Variants in SRRM2 observed in about 807,000 individuals in gnomAD.
The protein encoded by SRRM2 is serine/arginine repetitive matrix 2, also known as serine/arginine repetitive matrix protein 2.
Under a neutral mutation model 213.8 loss-of-function variants are expected in SRRM2, and 30 were observed. The observed-to-expected ratio is 0.14, with a 90% CI of 0.10 to 0.19. The LOEUF (loss-of-function observed/expected upper bound fraction) is 0.19, where lower values mean the gene tolerates loss of function less well. SRRM2 is among the 10% of genes least tolerant of loss of function. SRRM2 has a pLI of 1.00. For missense variants in SRRM2, 4,904 were observed against 3,647.0 expected (o/e 1.34, Z -8.88); for synonymous variants, 2,025 against 1,377.7 (o/e 1.47, Z -10.40).
At position 2,764,483 on chromosome 16, in the gene SRRM2, A is replaced by G. The variant is rs377379825; in HGVS notation, c.3955A>G (p.Asn1319Asp). 5 of 1,614,134 alleles carry G rather than the reference A, an allele frequency of 3.1e-6. No homozygotes were observed. The highest frequency in any genetic ancestry group is 1.1e-5 in the South Asian group (1 of 91,070). The change falls in exon 11 of 15, where the codon AAC (asparagine) becomes GAC (aspartate). Residue 1319 changes from asparagine to aspartate, a missense_variant. Transcript: ENST00000301740. Reference protein sequence around the residue: ...HFSPEHKELSNSPLRENSFGS... With the variant: ...HFSPEHKELSDSPLRENSFGS... ...TTCTCCAGAACATAAAGAACTGTCTAACTCCCCACTCAGGGAGAACAGCTT... is the reference window on the plus strand; with the variant it reads ...TTCTCCAGAACATAAAGAACTGTCTGACTCCCCACTCAGGGAGAACAGCTT...
At chr16:2,757,998 A>C in intron 4 of SRRM2, 53 bp downstream of exon 4, 4 of 1,562,130 alleles carry the variant, frequency 2.6e-6, no homozygotes, top group Non-Finnish European at 3.5e-6. Context: ...TGTAAGCTCC[A>C]TGCTCTATTT....
In SRRM2 at chr16:2,768,982, C is replaced by A. The variant is rs773848002; in HGVS notation, c.7734-15C>A. 6.2e-7 allele frequency: 1 copy of A among 1,611,908 alleles called. No individual in the cohort carries two copies. The highest frequency in any genetic ancestry group is 8.5e-7 in the Non-Finnish European group (1 of 1,178,874). ...GGGCAGCTTGTCTCCTTGTGACACT[C>A]CTCTCCTCCCACAGGGTCCCCAGCC... On this transcript the variant is annotated splice_polypyrimidine_tract_variant and intron_variant, in intron 11 of 14. Coordinates refer to ENST00000301740, the MANE Select transcript of SRRM2 (RefSeq NM_016333.4).
rs1286262599 is a variant in SRRM2, at chr16:2,769,795, TCAC to T, written c.8021+514_8021+516del. Reference sequence around the variant, plus strand: ...CTGCGGGAGTGGCGTGTGAGGCTCTTCACCAACGGGCCTTGCCCGCCCTGTGTT... The same window carrying T: ...CTGCGGGAGTGGCGTGTGAGGCTCTTCAACGGGCCTTGCCCGCCCTGTGTT... On this transcript the variant is annotated intron_variant, in intron 12 of 14. Coordinates refer to ENST00000301740, the MANE Select transcript of SRRM2 (RefSeq NM_016333.4). 3.9e-5 allele frequency: 18 copies of T among 465,876 alleles called. No individual in the cohort carries two copies. In the Admixed American group the frequency reaches 4.2e-4, roughly 11 times the overall value. The allele number at this position is 465,876 out of a possible 1,614,324, so 28.9% of individuals were successfully genotyped here. A position where few individuals can be genotyped will look rare whatever the true frequency, so the allele number is the denominator to read the frequency against.
chr16:2,764,941 A>G lies in SRRM2; in HGVS notation c.4413A>G (p.Arg1471=). ...CTCCTGGAATGAAAGATATACCTAGAACGCCATCTAGAGGGAGAAGCGAAT... is the reference window on the plus strand; with the variant it reads ...CTCCTGGAATGAAAGATATACCTAGGACGCCATCTAGAGGGAGAAGCGAAT... ...GSSPGMKDIP[R]TPSRGRSECD... is the part of the protein sequence containing the mutation. The change falls in exon 11 of 15, where the codon AGA becomes AGG. Residue 1471 remains arginine, a synonymous_variant. Coordinates refer to ENST00000301740, the MANE Select transcript of SRRM2 (RefSeq NM_016333.4). 1 of 1,614,168 alleles carries G rather than the reference A, an allele frequency of 6.2e-7. No homozygotes were observed. Among genetic ancestry groups the G allele is most frequent in the Non-Finnish European group, 8.5e-7 (1 of 1,180,026 alleles).
rs145082336 is a variant in SRRM2, at chr16:2,764,773, G to T, written c.4245G>T (p.Ser1415=). ...TTGATGCTGTACCCAGAACACCCTC[G>T]AGAGAAAGAAGTAGTTCTGCATCTT... ...PVLDAVPRTP[S]RERSSSASSP... The change falls in exon 11 of 15, where the codon TCG becomes TCT. Residue 1415 remains serine (S), a synonymous_variant. Transcript: ENST00000301740. 1 of 1,614,122 alleles carries T rather than the reference G, an allele frequency of 6.2e-7. No individual in the cohort carries two copies. The highest frequency in any genetic ancestry group is 1.1e-5 in the South Asian group (1 of 91,080).
At chr16:2,760,179 A>T in intron 9 of SRRM2, 122 bp from the exon 10 acceptor site, 1 of 963,396 alleles carries the variant, frequency 1.0e-6, no homozygotes, top group Non-Finnish European at 1.6e-6. Context: ...TTGTGCGACT[A>T]AAGGCTTTTT....
intron 10 of SRRM2, 68 bp downstream of exon 10, chr16:2,760,567 G>T: frequency 6.5e-7 from 1 of 1,542,250 alleles, no homozygotes; most frequent in Non-Finnish European, 8.9e-7. Context: ...CATGTGATGT[G>T]AAAGGGAGAG....
chr16:2,767,826 A>G lies in SRRM2; in HGVS notation c.7298A>G (p.Gln2433Arg), dbSNP rs1283950188. Residue 2433 changes from glutamine (Q) to arginine (R), a missense_variant, in exon 11 of 15, where the codon CAG becomes CGG. By Grantham distance (43) the Gln-to-Arg change is conservative. Coordinates refer to ENST00000301740, the MANE Select transcript of SRRM2 (RefSeq NM_016333.4). ...RAPSPSSRMGQAPSQSLLPPA... is the reference protein window; with the variant it reads ...RAPSPSSRMGRAPSQSLLPPA... ...CCCTCCCCTTCCTCTAGAATGGGCC[A>G]GGCTCCTTCACAGTCTCTTCTCCCT... 3.1e-6 allele frequency: 5 copies of G among 1,613,854 alleles called. No individual in the cohort carries two copies. Among genetic ancestry groups the G allele is most frequent in the Middle Eastern group, 1.6e-4 (1 of 6,084 alleles).
Position 2,766,941 on chromosome 16 carries a change from C to T in SRRM2, c.6413C>T (p.Pro2138Leu), listed in dbSNP as rs1221983737. The T allele has an allele frequency of 2.5e-6, 4 of 1,614,016 alleles. No individual in the cohort carries two copies. The highest frequency in any genetic ancestry group is 3.4e-6 in the Non-Finnish European group (4 of 1,180,032). ...TGCAGATCACCTGGAATGCTTGAACCCCTTGGCAGCTCTAGAACACCCATG... is the reference window on the plus strand; with the variant it reads ...TGCAGATCACCTGGAATGCTTGAACTCCTTGGCAGCTCTAGAACACCCATG... ...DRCRSPGMLE[P>L]LGSSRTPMSV... Residue 2138 changes from proline (P) to leucine (L), a missense_variant, in exon 11 of 15, where the codon CCC becomes CTC. Coordinates refer to ENST00000301740, the MANE Select transcript of SRRM2 (RefSeq NM_016333.4). This position sits in a 1 kb window ranked among gnomAD's most constrained non-coding sequence, Gnocchi z 7.0.
In SRRM2 at chr16:2,762,922, C is replaced by T. The variant is rs373074903; in HGVS notation, c.2394C>T (p.Arg798=). The T allele has an allele frequency of 9.3e-6, 15 of 1,610,212 alleles. No homozygotes were observed. The African/African-American group carries it at 2.0e-4, about 21-fold the overall frequency. The part of the protein sequence containing the change: ...QKSQTPPRRS[R]SGSSQPKAKS... The stretch of plus-strand genomic sequence containing the variant: ...CACAGACACCACCCAGGCGCAGTCG[C>T]TCTGGATCCTCCCAACCTAAAGCTA... The change falls in exon 11 of 15, where the codon CGC becomes CGT. Residue 798 remains arginine (R), a synonymous_variant. Transcript: ENST00000301740.
Position 2,767,437 on chromosome 16 carries a change from A to G in SRRM2, c.6909A>G (p.Pro2303=). Residue 2303 remains proline, a synonymous_variant, in exon 11 of 15, where the codon CCA becomes CCG. Coordinates refer to ENST00000301740, the MANE Select transcript of SRRM2 (RefSeq NM_016333.4). ...TGAACCTAGCAGGGGCCAGAACCCCAGCTGCCTTGGCAGCTCTGAGTCTCA... is the reference window on the plus strand; with the variant it reads ...TGAACCTAGCAGGGGCCAGAACCCCGGCTGCCTTGGCAGCTCTGAGTCTCA... ...PAVNLAGART[P]AALAALSLTG... 7 of 1,614,070 alleles carry G rather than the reference A, an allele frequency of 4.3e-6. No individual in the cohort carries two copies. The highest frequency in any genetic ancestry group is 5.9e-6 in the Non-Finnish European group (7 of 1,179,998).
At position 2,766,668 on chromosome 16, in the gene SRRM2, C is replaced by T. The variant is rs759186914; in HGVS notation, c.6140C>T (p.Pro2047Leu). Residue 2047 changes from proline (P) to leucine (L), a missense_variant, in exon 11 of 15, where the codon CCA becomes CTA. Transcript: ENST00000301740. The surrounding 1 kb of genome is among the most constrained non-coding windows in gnomAD (Gnocchi z 7.0). Reference protein sequence around the residue: ...LPRKRSRSRSPLAIRRRSRSR... With the variant: ...LPRKRSRSRSLLAIRRRSRSR... ...CGCAAACGTTCTCGAAGTCGCTCAC[C>T]ACTTGCTATCCGCCGCCGCTCCAGA... is the stretch of plus-strand genomic sequence containing the variant. 1.9e-6 allele frequency: 3 copies of T among 1,614,126 alleles called. No individual in the cohort carries two copies. The highest frequency in any genetic ancestry group is 2.2e-5 in the East Asian group (1 of 44,884).
chr16:2,758,897 T>A, intron 5 of SRRM2, 88 bp from the exon 6 acceptor site: 4 of 1,491,652 alleles, frequency 2.7e-6, no homozygotes, highest in African/African-American at 1.4e-5. Context: ...TTCAAGTGTT[T>A]TAGAAACCTT....
chr16:2,759,332 A>G lies in SRRM2; in HGVS notation c.690-20A>G. The G allele has an allele frequency of 2.5e-6, 4 of 1,609,432 alleles. No individual in the cohort carries two copies. Among genetic ancestry groups the G allele is most frequent in the Non-Finnish European group, 3.4e-6 (4 of 1,178,788 alleles). On this transcript the variant is annotated intron_variant, in intron 7 of 14. Coordinates refer to ENST00000301740, the MANE Select transcript of SRRM2 (RefSeq NM_016333.4). ...CTTTTTTAAAGAAGTTACTTTTAACAACCTTTCCTTATTTCCCAGGTCTCC... is the reference window on the plus strand; with the variant it reads ...CTTTTTTAAAGAAGTTACTTTTAACGACCTTTCCTTATTTCCCAGGTCTCC...
At position 2,760,683 on chromosome 16, in the gene SRRM2, G is replaced by A. The variant is rs552053082; in HGVS notation, c.1032+184G>A. 1.6e-5 allele frequency: 10 copies of A among 638,406 alleles called. No homozygotes were observed. In the African/African-American group the frequency reaches 1.6e-4, roughly 11 times the overall value. 39.5% of individuals were successfully genotyped at this position (638,406 alleles called of 1,614,324 possible). On this transcript the variant is annotated intron_variant, in intron 10 of 14. Transcript: ENST00000301740. ...TTTAGTGTTGTTACTAGACTGAATT[G>A]TGAACCCTTTAGAATCAAATCTCAC...
chr16:2,770,736 T>C lies in SRRM2; in HGVS notation c.8249+19T>C. ...CCTCCAGGTGCGTGTCCTGGAAGGCTGATGCCCCCTTCCGGGAGCCAGTTG... is the reference window on the plus strand; with the variant it reads ...CCTCCAGGTGCGTGTCCTGGAAGGCCGATGCCCCCTTCCGGGAGCCAGTTG... On this transcript the variant is annotated intron_variant, in intron 14 of 14. Coordinates refer to ENST00000301740, the MANE Select transcript of SRRM2 (RefSeq NM_016333.4). 1.3e-6 allele frequency: 2 copies of C among 1,580,620 alleles called. No individual in the cohort carries two copies. Among genetic ancestry groups the C allele is most frequent in the Non-Finnish European group, 1.7e-6 (2 of 1,160,864 alleles).
At chr16:2,759,737 G>A in intron 9 of SRRM2, 76 bp downstream of exon 9, 5 of 1,377,760 alleles carry the variant, frequency 3.6e-6, no homozygotes, top group East Asian at 2.4e-5. Context: ...GAGCGCCCAC[G>A]GTGTGCTAGG....
intron 4 of SRRM2, 71 bp from the exon 5 acceptor site, chr16:2,758,397 ACT>A (rs1046696572): frequency 1.5e-5 from 19 of 1,296,526 alleles, no homozygotes; most frequent in Non-Finnish European, 1.8e-5. Flanking sequence ...ATTTTTTTAG[ACT>A]CTGTCTTTTA....
intron 5 of SRRM2, 27 bp from the exon 6 acceptor site, chr16:2,758,958 T>G: frequency 6.2e-7 from 1 of 1,613,740 alleles, no homozygotes; most frequent in South Asian, 1.1e-5. Context: ...CCAAGCAGGA[T>G]GAGCTTGCTT....
Sources: gnomAD v4.1 joint callset for allele counts on GRCh38, gnomAD v4.1.1 for gene constraint, Gnocchi (gnomAD v3.1) non-coding constraint, MANE v1.5 for transcripts, NCBI Gene and HGNC (gene_info 2026-07-23, HGNC 2026-07-21) for gene names.